The following TBC1D9B variants were observed in gnomAD, a reference collection of about 807,000 sequenced individuals.
TBC1D9B encodes the protein TBC1 domain family, member 9B (with GRAM domain).
A neutral mutation model predicts 121.1 loss-of-function variants in TBC1D9B; 87 were observed. That is an observed-to-expected ratio of 0.72 (90% CI 0.60 to 0.86). The LOEUF (loss-of-function observed/expected upper bound fraction) is 0.86, where lower values mean the gene tolerates loss of function less well. TBC1D9B is among the 40% of genes least tolerant of loss of function. TBC1D9B has a pLI of 0.00. For missense variants in TBC1D9B, 1,540 were observed against 1,628.6 expected (o/e 0.95, Z 0.94); for synonymous variants, 668 against 670.1 (o/e 1.00, Z 0.05).
intron 15 of TBC1D9B, 113 bp downstream of exon 15, chr5:179,871,349 T>C (rs1368463174): frequency 2.8e-6 from 3 of 1,074,000 alleles, no homozygotes; most frequent in Non-Finnish European, 4.0e-6. Context: ...TCTGTTTTTC[T>C]ATTCTATTCC....
intron 7 of TBC1D9B, chr5:179,880,021 C>A (rs547519783): frequency 3.4e-6 from 2 of 587,084 alleles, no homozygotes; most frequent in Non-Finnish European, 6.0e-6. Flanking sequence ...CCCACTCTCA[C>A]CAGCGAGTCA....
intron 14 of TBC1D9B, chr5:179,872,673 C>T: frequency 1.8e-6 from 1 of 568,834 alleles, no homozygotes; most frequent in East Asian, 3.0e-5. Context: ...TGAGAAGCTT[C>T]CCGGTGACAC....
rs199743968 is a variant in TBC1D9B at position 179,871,500 on chromosome 5, A to T, written c.2446T>A (p.Ser816Thr). 6.2e-7 allele frequency: 1 copy of T among 1,613,284 alleles called. No individual in the cohort carries two copies. The highest frequency in any genetic ancestry group is 1.7e-5 in the Admixed American group (1 of 59,960). ...TAAAGGTCCTCCAGCTCTTCAATGGAGAAACCAATGTCCACAGGTATAGCT... is the reference window on the plus strand; with the variant it reads ...TAAAGGTCCTCCAGCTCTTCAATGGTGAAACCAATGTCCACAGGTATAGCT... Reference protein sequence around the residue: ...VRAIPVDIGFSIEELEDLYMV... With the variant: ...VRAIPVDIGFTIEELEDLYMV... The change falls in exon 15 of 21, where the codon TCC becomes ACC. Residue 816 changes from serine (S) to threonine (T), a missense_variant. Coordinates refer to ENST00000355235, the MANE Select transcript of TBC1D9B (RefSeq NM_015043.4).
chr5:179,863,255 G>T lies in TBC1D9B; in HGVS notation c.*193C>A. ...CTGGGCCCAGAAGCAGCCGGCGCCA[G>T]GAGATGCAGGCCCAGGGAATCTGTC... On this transcript the variant is annotated 3_prime_UTR_variant, in exon 21 of 21. Coordinates refer to ENST00000355235, the MANE Select transcript of TBC1D9B (RefSeq NM_015043.4). This position sits in a 1 kb window ranked among gnomAD's most constrained non-coding sequence, Gnocchi z 4.5. 1.6e-6 allele frequency: 1 copy of T among 639,874 alleles called. No individual in the cohort carries two copies. Among genetic ancestry groups the T allele is most frequent in the Non-Finnish European group, 2.6e-6 (1 of 385,532 alleles). 39.6% of individuals were successfully genotyped at this position (639,874 alleles called of 1,614,324 possible).
intron 2 of TBC1D9B, among the ~76,000 whole-genome samples, chr5:179,901,482 C>T (rs1048301487): frequency 6.6e-6 from 1 of 152,194 alleles, no homozygotes; most frequent in African/African-American, 2.4e-5. Flanking sequence ...TGTGTCAGCA[C>T]TTTAATTAAA....
chr5:179,865,301 TC>T lies in TBC1D9B; in HGVS notation c.2973del (p.Glu993ArgfsTer13), dbSNP rs1759975370. ...TTAATCGTCTCCTTCTGAGCCTCTT[TC>T]TCCTTGGCCCACATTCGAAGGTAGT... The part of the protein sequence containing the change: ...YRHYLRMWAK[E>X]KEAQKETIKD... On this transcript the variant is annotated frameshift_variant, in exon 20 of 21. Transcript: ENST00000355235. LOFTEE classifies it low-confidence loss of function (END_TRUNC). This position sits in a 1 kb window ranked among gnomAD's most constrained non-coding sequence, Gnocchi z 5.1. 6.2e-7 allele frequency: 1 copy of T among 1,613,960 alleles called. No homozygotes were observed. Among genetic ancestry groups the T allele is most frequent in the South Asian group, 1.1e-5 (1 of 91,082 alleles).
chr5:179,888,211 G>A lies in TBC1D9B; in HGVS notation c.1146C>T (p.Asp382=), dbSNP rs1274504538. 1.9e-6 allele frequency: 3 copies of A among 1,612,466 alleles called. No homozygotes were observed. Among genetic ancestry groups the A allele is most frequent in the Non-Finnish European group, 2.5e-6 (3 of 1,179,472 alleles). Reference sequence around the variant, plus strand: ...AGATCCTCTGCACCAAGAAATCACGGTCTTTCAGGTTGGCAAACAGGAATG... The same window carrying A: ...AGATCCTCTGCACCAAGAAATCACGATCTTTCAGGTTGGCAAACAGGAATG... The part of the protein sequence containing the change: ...KMTFLFANLK[D]RDFLVQRISD... The change falls in exon 7 of 21, where the codon GAC becomes GAT. Residue 382 remains aspartate, a synonymous_variant. Coordinates refer to ENST00000355235, the MANE Select transcript of TBC1D9B (RefSeq NM_015043.4).
intron 10 of TBC1D9B, 83 bp from the exon 11 acceptor site, chr5:179,876,120 C>T: frequency 9.1e-7 from 1 of 1,094,520 alleles, no homozygotes; most frequent in Non-Finnish European, 1.3e-6. Flanking sequence ...TCCCAGCCAC[C>T]CCTCCCTGCA....
intron 15 of TBC1D9B, 55 bp from the exon 16 acceptor site, chr5:179,870,550 G>T: frequency 1.3e-6 from 2 of 1,541,286 alleles, no homozygotes; most frequent in Non-Finnish European, 1.7e-6. Context: ...GGGTCGAGGG[G>T]ACCCCTAGGC....
Position 179,874,948 on chromosome 5 carries a change from G to C in TBC1D9B, c.2140C>G (p.Leu714Val). ...LAVLDANMEQ[L>V]LGCSDEGEAM... The stretch of plus-strand genomic sequence containing the variant: ...TCGCCCTCGTCGCTGCAGCCCAGCA[G>C]CTGCTCCATGTTGGCGTCCAGGACG... Residue 714 changes from leucine to valine, a missense_variant, in exon 12 of 21, where the codon CTG (leucine) becomes GTG (valine). By Grantham distance (32) the Leu-to-Val change is conservative (BLOSUM62 1). Transcript: ENST00000355235. The surrounding 1 kb of genome is among the most constrained non-coding windows in gnomAD (Gnocchi z 4.3). 1 of 1,613,748 alleles carries C rather than the reference G, an allele frequency of 6.2e-7. No individual in the cohort carries two copies. The highest frequency in any genetic ancestry group is 8.5e-7 in the Non-Finnish European group (1 of 1,180,040).
intron 7 of TBC1D9B, among the ~76,000 whole-genome samples, chr5:179,886,188 C>T (rs1294853861): frequency 6.6e-6 from 1 of 152,202 alleles, no homozygotes; most frequent in East Asian, 1.9e-4. Flanking sequence ...TTTCTACCCA[C>T]AGCCCTTATC....
intron 18 of TBC1D9B, chr5:179,867,532 G>C (rs1464833549): frequency 6.4e-7 from 1 of 1,554,350 alleles, no homozygotes; most frequent in Non-Finnish European, 8.7e-7. Flanking sequence ...GAGGGGCAGA[G>C]TGGGGAGGAG....
intron 18 of TBC1D9B, chr5:179,866,905 G>C (rs1760028821): frequency 6.5e-6 from 1 of 154,818 alleles, no homozygotes; most frequent in African/African-American, 2.4e-5. Flanking sequence ...TTTTGCAAGT[G>C]TGCTGCATGT....
chr5:179,906,163 A>G (rs781620788), intron 1 of TBC1D9B, among the ~76,000 whole-genome samples: 6 of 152,254 alleles, frequency 3.9e-5, no homozygotes, highest in Non-Finnish European at 8.8e-5. Flanking sequence ...ATAAAACCAC[A>G]TCCCTGTCTG....
Position 179,865,242 on chromosome 5 carries a change from A to G in TBC1D9B, c.3021+12T>C. Reference sequence around the variant, plus strand: ...TCCAGAAATGTCTACTGTGGGCTCCAGTGGAGCCTACCTGGTTCATCTTGG... The same window carrying G: ...TCCAGAAATGTCTACTGTGGGCTCCGGTGGAGCCTACCTGGTTCATCTTGG... On this transcript the variant is annotated intron_variant, in intron 20 of 20. Transcript: ENST00000355235. The surrounding 1 kb of genome is among the most constrained non-coding windows in gnomAD (Gnocchi z 5.1). 1 of 1,613,448 alleles carries G rather than the reference A, an allele frequency of 6.2e-7. No individual in the cohort carries two copies. Among genetic ancestry groups the G allele is most frequent in the South Asian group, 1.1e-5 (1 of 91,080 alleles).
chr5:179,886,165 TC>T (rs1354724279), intron 7 of TBC1D9B, among the ~76,000 whole-genome samples: 2 of 152,152 alleles, frequency 1.3e-5, no homozygotes, highest in Non-Finnish European at 2.9e-5. Context: ...CCTGATCCCC[TC>T]ATCCTGCTTT....
chr5:179,881,074 C>G (rs1760529583), intron 7 of TBC1D9B, among the ~76,000 whole-genome samples: 1 of 152,204 alleles, frequency 6.6e-6, no homozygotes, highest in Admixed American at 6.5e-5. Context: ...AGGGGCCAGA[C>G]CGCCGGGTGT....
At chr5:179,892,990 C>A (rs1471160084) in intron 5 of TBC1D9B, among the ~76,000 whole-genome samples, 1 of 152,250 alleles carries the variant, frequency 6.6e-6, no homozygotes, top group Non-Finnish European at 1.5e-5. Flanking sequence ...AGCTTCCTCC[C>A]CATTAGTGGT....
In TBC1D9B at chr5:179,875,454, G is replaced by A. The variant is rs1344838519; in HGVS notation, c.1901-267C>T. 2.0e-5 allele frequency among the ~76,000 whole-genome samples: 3 copies of A among 152,282 alleles called. No individual in the cohort carries two copies. The highest frequency in any genetic ancestry group is 3.9e-4 in the East Asian group (2 of 5,180). On this transcript the variant is annotated intron_variant, in intron 11 of 20. Transcript: ENST00000355235. This position sits in a 1 kb window ranked among gnomAD's most constrained non-coding sequence, Gnocchi z 4.5. ...ACTGATTTCTCCGTAAGGCATGAGAGGTAAACAGCACCCTCAATGACTCTG... is the reference window on the plus strand; with the variant it reads ...ACTGATTTCTCCGTAAGGCATGAGAAGTAAACAGCACCCTCAATGACTCTG...
Sources: allele counts gnomAD v4.1 joint callset (sites outside exome capture counted in the v4.1 genomes callset), GRCh38; gene constraint gnomAD v4.1.1; non-coding constraint Gnocchi (gnomAD v3.1); transcripts MANE v1.5; gene names NCBI Gene and HGNC (gene_info 2026-07-23, HGNC 2026-07-21).